Variants in MDGA1 observed in about 807,000 individuals in gnomAD.
MDGA1 encodes the protein MAM domain containing glycosylphosphatidylinositol anchor 1, also known as MAM domain-containing glycosylphosphatidylinositol anchor protein 1.
Under a neutral mutation model 101.5 loss-of-function variants are expected in MDGA1, and 54 were observed. The ratio of observed to expected loss-of-function variants is 0.53; its 90% CI spans 0.43 to 0.67. The LOEUF (loss-of-function observed/expected upper bound fraction) is 0.67, where lower values mean the gene tolerates loss of function less well. Among genes scored for constraint, MDGA1 ranks in the 30% least tolerant of loss-of-function variants. MDGA1 has a pLI of 0.00. For missense variants in MDGA1, 1,083 were observed against 1,323.8 expected (o/e 0.82, Z 2.82); for synonymous variants, 533 against 558.3 (o/e 0.95, Z 0.64).
At position 37,663,908 on chromosome 6, in the gene MDGA1, C is replaced by T. The variant is rs1301689245; in HGVS notation, c.207+59G>A. On this transcript the variant is annotated intron_variant, in intron 2 of 16. Transcript: ENST00000434837. ...ATCTCCTGCTGCCTCTTCTTAAGTG[C>T]TGAGCCTAGGCAAGGTGAGGGTAGG... 6.3e-6 allele frequency: 10 copies of T among 1,596,632 alleles called. No homozygotes were observed. In the African/African-American group the frequency reaches 1.1e-4, roughly 17 times the overall value.
At position 37,652,013 on chromosome 6, in the gene MDGA1, G is replaced by C. The variant is rs1418061135; in HGVS notation, c.1310C>G (p.Thr437Arg). 3 of 1,584,802 alleles carry C rather than the reference G, an allele frequency of 1.9e-6. No individual in the cohort carries two copies. Among genetic ancestry groups the C allele is most frequent in the Non-Finnish European group, 2.6e-6 (3 of 1,167,120 alleles). The change falls in exon 7 of 17, where the codon ACA becomes AGA. Residue 437 changes from threonine (T) to arginine (R), a missense_variant and splice_region_variant. Thr to Arg is a moderately conservative substitution (Grantham distance 71). Around this residue, in one of 3 missense-constraint regions of MDGA1, gnomAD observed 657 missense variants for 771.4 expected, o/e 0.85. Transcript: ENST00000434837. This position sits in a 1 kb window ranked among gnomAD's most constrained non-coding sequence, Gnocchi z 4.3. ...LSVEVNISSE[T>R]VPPTISVPKG... is the part of the protein sequence containing the mutation. ...GCAGTGCCCCTCCAGCTGCCCACCT[G>C]TCTCAGAGGAGATGTTGACCTCGAC...
At chr6:37,676,380 G>T (rs1307812916) in intron 1 of MDGA1, among the ~76,000 whole-genome samples, 1 of 152,220 alleles carries the variant, frequency 6.6e-6, no homozygotes, top group Non-Finnish European at 1.5e-5. Flanking sequence ...TGAGGCAAAG[G>T]GATGGAACAT....
chr6:37,651,903 C>G, intron 7 of MDGA1, 108 bp downstream of exon 7: 1 of 875,202 alleles, frequency 1.1e-6, no homozygotes, highest in Non-Finnish European at 1.7e-6. Flanking sequence ...CAAGTGGTGG[C>G]CTCCTCACTC....
chr6:37,642,149 A>ATG (rs1453050387), intron 14 of MDGA1, among the ~76,000 whole-genome samples: 16 of 140,530 alleles, frequency 1.1e-4, no homozygotes, highest in African/African-American at 4.5e-4. Context: ...ATATATATGT[A>ATG]TATATATATA....
intron 1 of MDGA1, among the ~76,000 whole-genome samples, chr6:37,669,036 C>T (rs1297453218): frequency 6.6e-6 from 1 of 152,014 alleles, no homozygotes; most frequent in Non-Finnish European, 1.5e-5. Context: ...TTAGTAGAGA[C>T]GGGTTTTCAC....
rs546778186 is a variant in MDGA1, at chr6:37,687,506, C to T, written c.67+9239G>A. Among the ~76,000 whole-genome samples, 219 of 152,180 alleles carry T rather than the reference C, an allele frequency of 1.4e-3. 1 individual carries two copies. Among genetic ancestry groups the T allele is most frequent in the African/African-American group, 5.1e-3 (210 of 41,528 alleles). ...ATTGCCTGAGCCCAGGAGATCGAGG[C>T]TGCAGTGAGCTATGATCACACCACT... On this transcript the variant is annotated intron_variant, in intron 1 of 16. Transcript: ENST00000434837.
At chr6:37,656,012 G>A (rs1238965435) in intron 3 of MDGA1, 116 bp from the exon 4 acceptor site, 7 of 815,114 alleles carry the variant, frequency 8.6e-6, no homozygotes, top group Non-Finnish European at 1.3e-5. Context: ...TTTCCAGATT[G>A]CCAGATGCCC....
In MDGA1 at chr6:37,692,293, C is replaced by T. The variant is rs995657587; in HGVS notation, c.67+4452G>A. On this transcript the variant is annotated intron_variant, in intron 1 of 16. Transcript: ENST00000434837. Reference sequence around the variant, plus strand: ...TGGGACCGTGTCAGGCTCAGATGTCCGGAGGTGGGAGGTGAGGCAGGGCTC... The same window carrying T: ...TGGGACCGTGTCAGGCTCAGATGTCTGGAGGTGGGAGGTGAGGCAGGGCTC... Among the ~76,000 whole-genome samples, 4 of 152,112 alleles carry T rather than the reference C, an allele frequency of 2.6e-5. No individual in the cohort carries two copies. In the East Asian group the frequency reaches 7.7e-4, roughly 29 times the overall value.
At chr6:37,637,836 A>G in intron 16 of MDGA1, 1 of 528,304 alleles carries the variant, frequency 1.9e-6, no homozygotes, top group South Asian at 3.4e-5. Flanking sequence ...TGCCTGGTAC[A>G]GAGTAATTGC....
intron 1 of MDGA1, among the ~76,000 whole-genome samples, chr6:37,667,899 G>A (rs558442747): frequency 6.6e-6 from 1 of 152,312 alleles, no homozygotes; most frequent in South Asian, 2.1e-4. Context: ...CACCTGACAG[G>A]TGTATTTCCC....
chr6:37,686,595 T>G (rs986751643), intron 1 of MDGA1, among the ~76,000 whole-genome samples: 18 of 151,968 alleles, frequency 1.2e-4, no homozygotes, highest in African/African-American at 4.4e-4. Context: ...CCTGGCTAAT[T>G]TTTTTATTTT....
rs954376960 is a variant in MDGA1 at position 37,636,065 on chromosome 6, G to A, written c.*1303C>T. The A allele has an allele frequency of 1.1e-4, 25 of 234,740 alleles. No individual in the cohort carries two copies. The highest frequency in any genetic ancestry group is 5.1e-4 in the Admixed American group (9 of 17,512). The allele number at this position is 234,740 out of a possible 1,614,324, so 14.5% of individuals were successfully genotyped here. On this transcript the variant is annotated 3_prime_UTR_variant, in exon 17 of 17. Transcript: ENST00000434837. Reference sequence around the variant, plus strand: ...AACACATACACACATATGCACGCATGCCTAAAGAGTCATTCTAGAAGGGGC... The same window carrying A: ...AACACATACACACATATGCACGCATACCTAAAGAGTCATTCTAGAAGGGGC...
intron 1 of MDGA1, among the ~76,000 whole-genome samples, chr6:37,666,191 C>CAAAAAAAAAAAAA (rs146449734): frequency 2.5e-5 from 3 of 122,252 alleles, no homozygotes; most frequent in African/African-American, 8.6e-5. Flanking sequence ...ACTAAAAATA[C>CAAAAAAAAAAAAA]AAAAAAAAAA....
chr6:37,647,389 T>C, intron 9 of MDGA1, 65 bp from the exon 10 acceptor site: 1 of 1,006,838 alleles, frequency 9.9e-7, no homozygotes, highest in South Asian at 1.8e-5. Context: ...AGAGAGGAGG[T>C]GTGGGAAAGG....
intron 3 of MDGA1, among the ~76,000 whole-genome samples, chr6:37,657,771 G>T (rs546919272): frequency 2.6e-5 from 4 of 152,212 alleles, no homozygotes; most frequent in Non-Finnish European, 5.9e-5. Flanking sequence ...TTCTCATGCA[G>T]CTAGCAGCTA....
At chr6:37,685,672 C>T (rs1186256631) in intron 1 of MDGA1, among the ~76,000 whole-genome samples, 1 of 151,722 alleles carries the variant, frequency 6.6e-6, no homozygotes, top group Non-Finnish European at 1.5e-5. Flanking sequence ...AGGTACCAAC[C>T]GGTAGACATC....
At chr6:37,663,875 G>T (rs1344921437) in intron 2 of MDGA1, 92 bp downstream of exon 2, 20 of 1,418,888 alleles carry the variant, frequency 1.4e-5, no homozygotes, top group Non-Finnish European at 1.8e-5. Flanking sequence ...GGTGCATCGT[G>T]AGTCCTCATC....
intron 2 of MDGA1, among the ~76,000 whole-genome samples, chr6:37,663,235 C>T (rs9394447): frequency 0.15 from 23,084 of 152,226 alleles, 2,016 homozygotes; most frequent in Middle Eastern, 0.22. Context: ...GTGCTTCCTG[C>T]CTGAGCCATA....
Position 37,697,470 on chromosome 6 carries a change from G to C in MDGA1, c.-659C>G, listed in dbSNP as rs1257864789. Reference sequence around the variant, plus strand: ...GGTCCCCGGGTCCGTGAAGTTAGCCGAGCCGCCGATAAACCCGGGGGAAGA... The same window carrying C: ...GGTCCCCGGGTCCGTGAAGTTAGCCCAGCCGCCGATAAACCCGGGGGAAGA... On this transcript the variant is annotated 5_prime_UTR_variant, in exon 1 of 17. Coordinates refer to ENST00000434837, the MANE Select transcript of MDGA1 (RefSeq NM_153487.4). The C allele has an allele frequency of 6.6e-6, 1 of 152,138 alleles. No homozygotes were observed. Among genetic ancestry groups the C allele is most frequent in the Non-Finnish European group, 1.5e-5 (1 of 68,006 alleles). The allele number at this position is 152,138 out of a possible 1,614,324, so 9.4% of individuals were successfully genotyped here.
Sources: allele counts gnomAD v4.1 joint callset (sites outside exome capture counted in the v4.1 genomes callset), GRCh38; gene constraint gnomAD v4.1.1; regional missense constraint gnomAD v4.1.1; non-coding constraint Gnocchi (gnomAD v3.1); transcripts MANE v1.5; gene names NCBI Gene and HGNC (gene_info 2026-07-23, HGNC 2026-07-21).